Variants in OPCML observed in about 807,000 individuals in gnomAD.
OPCML encodes opioid-binding protein/cell adhesion molecule.
OPCML carries 13 observed loss-of-function variants against 37.8 expected under a neutral mutation model. The observed-to-expected ratio is 0.34, with a 90% CI of 0.22 to 0.55. The LOEUF is 0.55. Ranked by LOEUF, OPCML falls within the 20% of genes least tolerant of loss-of-function variation. OPCML has a pLI of 0.91. For synonymous variants in OPCML, 176 were observed against 168.8 expected, an observed-to-expected ratio of 1.04 and a Z score of -0.33; for missense variants, 341 against 435.6, an observed-to-expected ratio of 0.78 and a Z score of 1.93.
intron 1 of OPCML, among the ~76,000 whole-genome samples, chr11:133,021,562 C>G (rs192000696): frequency 7.8e-6 from 1 of 128,304 alleles, no homozygotes; most frequent in Admixed American, 8.4e-5. Flanking sequence ...AGGGAGTACA[C>G]GGCTTCCTCC....
rs373548301 is a variant in OPCML at position 132,588,880 on chromosome 11, C to A, written c.380-59694G>T. ...CCAGAAGCACTTCCCAATAAACTCT[C>A]GGCAAGCAACTCTATCTCAGATTCT... is the stretch of plus-strand genomic sequence containing the variant. On this transcript the variant is annotated intron_variant, in intron 3 of 7. Coordinates refer to ENST00000524381, the MANE Select transcript of OPCML (RefSeq NM_001012393.5). Among the ~76,000 whole-genome samples, 186 of 152,282 alleles carry A rather than the reference C, an allele frequency of 1.2e-3. 1 individual carries two copies. The highest frequency in any genetic ancestry group is 4.4e-3 in the African/African-American group (181 of 41,564).
At chr11:133,007,928 C>A in intron 1 of OPCML, 3 of 985,430 alleles carry the variant, frequency 3.0e-6, no homozygotes, top group Non-Finnish European at 3.6e-6. Flanking sequence ...GTCCATTGTG[C>A]ATTTATGTTT....
intron 1 of OPCML, among the ~76,000 whole-genome samples, chr11:133,186,508 G>A (rs375405628): frequency 1.4e-4 from 22 of 151,996 alleles, no homozygotes; most frequent in African/African-American, 4.1e-4. Context: ...GAAAAAAGGC[G>A]GGGGCGGGGG....
At chr11:132,691,733 G>C (rs537356468) in intron 2 of OPCML, among the ~76,000 whole-genome samples, 1 of 152,280 alleles carries the variant, frequency 6.6e-6, no homozygotes, top group East Asian at 1.9e-4. Context: ...TCATTACCAA[G>C]TCTGATGAAC....
intron 1 of OPCML, among the ~76,000 whole-genome samples, chr11:133,185,352 A>T (rs974386395): frequency 1.3e-5 from 2 of 152,240 alleles, no homozygotes; most frequent in African/African-American, 4.8e-5. Context: ...AGCAGTCCTA[A>T]ATGTGAAGAA....
intron 2 of OPCML, among the ~76,000 whole-genome samples, chr11:132,738,186 C>T (rs1591538174): frequency 6.6e-6 from 1 of 152,190 alleles, no homozygotes; most frequent in Non-Finnish European, 1.5e-5. Flanking sequence ...AAGCGCCTTA[C>T]CTGTATTTGA....
intron 1 of OPCML, among the ~76,000 whole-genome samples, chr11:133,242,473 G>A (rs1204091902): frequency 2.0e-5 from 3 of 152,092 alleles, no homozygotes; most frequent in Non-Finnish European, 2.9e-5. Context: ...AGGTATCCAT[G>A]GGGACAGGTT....
intron 1 of OPCML, among the ~76,000 whole-genome samples, chr11:133,041,858 T>C (rs1947903685): frequency 6.6e-6 from 1 of 152,178 alleles, no homozygotes; most frequent in Admixed American, 6.5e-5. Context: ...AACAGCAACC[T>C]TTCTGGTCCC....
At chr11:132,992,624 G>A (rs1294936082) in intron 1 of OPCML, among the ~76,000 whole-genome samples, 3 of 152,118 alleles carry the variant, frequency 2.0e-5, no homozygotes, top group Non-Finnish European at 4.4e-5. Flanking sequence ...AAACTAAATG[G>A]AAATATTGGA....
intron 3 of OPCML, among the ~76,000 whole-genome samples, chr11:132,600,636 T>C (rs1246160938): frequency 6.6e-6 from 1 of 152,182 alleles, no homozygotes; most frequent in Non-Finnish European, 1.5e-5. Flanking sequence ...AAGAAAATAA[T>C]TGGGGACCAA....
chr11:132,739,280 C>A (rs920557595), intron 2 of OPCML, among the ~76,000 whole-genome samples: 3 of 152,148 alleles, frequency 2.0e-5, no homozygotes, highest in Admixed American at 1.3e-4. Flanking sequence ...CCTTTTGTCC[C>A]TTATCACTGG....
chr11:133,310,813 T>C (rs1407295944), intron 1 of OPCML, among the ~76,000 whole-genome samples: 5 of 152,210 alleles, frequency 3.3e-5, no homozygotes, highest in Non-Finnish European at 7.3e-5. Context: ...TCACACAATG[T>C]GGAGTTCCTG....
Position 133,507,871 on chromosome 11 carries a change from C to T in OPCML, c.61+24393G>A, listed in dbSNP as rs185476587. 1.9e-3 allele frequency among the ~76,000 whole-genome samples: 292 copies of T among 151,220 alleles called. 2 individuals are homozygous for T. In the Middle Eastern group the frequency reaches 0.02, roughly 11 times the overall value. ...CTGAGGCAGAAGAATCACTTTAACC[C>T]GGGAGGCAGAGGTTGCAGTGAGCTG... On this transcript the variant is annotated intron_variant, in intron 1 of 7. Coordinates refer to ENST00000524381, the MANE Select transcript of OPCML (RefSeq NM_001012393.5).
intron 1 of OPCML, among the ~76,000 whole-genome samples, chr11:133,171,383 T>G (rs1022153838): frequency 6.6e-6 from 1 of 152,182 alleles, no homozygotes; most frequent in African/African-American, 2.4e-5. Context: ...AGTCTAAAAG[T>G]CCACTCTATG....
intron 1 of OPCML, among the ~76,000 whole-genome samples, chr11:133,356,505 C>T (rs982451042): frequency 1.4e-4 from 22 of 152,268 alleles, no homozygotes; most frequent in South Asian, 4.1e-4. Context: ...GGTTGTCAGG[C>T]GCCTTGTCAC....
intron 3 of OPCML, among the ~76,000 whole-genome samples, chr11:132,570,206 A>G (rs2096434090): frequency 6.6e-6 from 1 of 152,202 alleles, no homozygotes; most frequent in African/African-American, 2.4e-5. Flanking sequence ...AGTCACATTC[A>G]TACATTTTAC....
chr11:133,278,450 G>A (rs571640215), intron 1 of OPCML, among the ~76,000 whole-genome samples: 2 of 152,064 alleles, frequency 1.3e-5, no homozygotes, highest in South Asian at 2.1e-4. Context: ...CTATAAATAC[G>A]TGGGGCCAGT....
chr11:133,235,865 A>G (rs1259337729), intron 1 of OPCML, among the ~76,000 whole-genome samples: 3 of 152,198 alleles, frequency 2.0e-5, no homozygotes, highest in Non-Finnish European at 2.9e-5. Flanking sequence ...TCTTTGCCTC[A>G]ACTGTGAAAT....
At chr11:133,176,337 CT>C (rs3049633) in intron 1 of OPCML, among the ~76,000 whole-genome samples, 194 of 139,952 alleles carry the variant, frequency 1.4e-3, no homozygotes, top group Non-Finnish European at 2.1e-3. Context: ...CTTCATTTTC[CT>C]TTTTTTTTTT....
Sources: allele counts gnomAD v4.1 joint callset (sites outside exome capture counted in the v4.1 genomes callset), GRCh38; gene constraint gnomAD v4.1.1; transcripts MANE v1.5; gene names NCBI Gene and HGNC (gene_info 2026-07-23, HGNC 2026-07-21).